The following ZEB1 variants were observed in gnomAD, a reference collection of about 807,000 sequenced individuals.
The protein encoded by ZEB1 is zinc finger E-box-binding homeobox 1.
ZEB1 carries 21 observed loss-of-function variants against 84.9 expected under a neutral mutation model. The ratio of observed to expected loss-of-function variants is 0.25; its 90% CI spans 0.18 to 0.36. The LOEUF (loss-of-function observed/expected upper bound fraction) is 0.36. Ranked by LOEUF, ZEB1 falls within the 10% of genes least tolerant of loss-of-function variation. The pLI is 1.00. For missense variants in ZEB1, 1,104 were observed against 1,330.2 expected (o/e 0.83, Z 2.65); for synonymous variants, 420 against 471.1 (o/e 0.89, Z 1.41).
At chr10:31,363,247 C>T in intron 1 of ZEB1, 1 of 1,533,960 alleles carries the variant, frequency 6.5e-7, no homozygotes, top group Non-Finnish European at 8.7e-7. Flanking sequence ...CAGGGAGCAG[C>T]CCGGAACTGG....
chr10:31,363,714 G>C, intron 1 of ZEB1: 4 of 1,180,814 alleles, frequency 3.4e-6, no homozygotes, highest in Non-Finnish European at 4.9e-6. Context: ...CAAACATTAT[G>C]GAGTTGTGAG....
intron 1 of ZEB1, among the ~76,000 whole-genome samples, chr10:31,356,245 C>T (rs2042099806): frequency 6.6e-6 from 1 of 151,880 alleles, no homozygotes; most frequent in Non-Finnish European, 1.5e-5. Flanking sequence ...TATTGTTTGA[C>T]TTCATTAACT....
intron 1 of ZEB1, among the ~76,000 whole-genome samples, chr10:31,409,569 G>A (rs1215119040): frequency 1.3e-5 from 2 of 152,100 alleles, no homozygotes; most frequent in Non-Finnish European, 2.9e-5. Context: ...TAGCTTGATG[G>A]GGATAACATT....
At chr10:31,502,588 T>C in intron 4 of ZEB1, 79 bp downstream of exon 4, 1 of 1,582,672 alleles carries the variant, frequency 6.3e-7, no homozygotes, top group Non-Finnish European at 8.7e-7. Context: ...GGGAACCTGC[T>C]CTACTATAGG....
At chr10:31,502,972 A>G (rs2068376864) in intron 4 of ZEB1, among the ~76,000 whole-genome samples, 1 of 152,208 alleles carries the variant, frequency 6.6e-6, no homozygotes, top group Non-Finnish European at 1.5e-5. Context: ...GGAAAATGCA[A>G]TAAAAATGTG....
At chr10:31,474,938 A>T (rs1173411414) in intron 2 of ZEB1, among the ~76,000 whole-genome samples, 1 of 152,136 alleles carries the variant, frequency 6.6e-6, no homozygotes, top group Admixed American at 6.5e-5. Context: ...GGAAATCATC[A>T]TTCTCAGTAA....
intron 1 of ZEB1, among the ~76,000 whole-genome samples, chr10:31,417,429 A>T (rs916061967): frequency 2.6e-5 from 4 of 152,046 alleles, no homozygotes; most frequent in African/African-American, 9.7e-5. Context: ...TTTATTCTGG[A>T]TCCTGAGAGT....
intron 6 of ZEB1, among the ~76,000 whole-genome samples, chr10:31,519,370 C>T (rs2071829816): frequency 6.6e-6 from 1 of 152,146 alleles, no homozygotes; most frequent in African/African-American, 2.4e-5. Flanking sequence ...AGGGAAGCAG[C>T]TTGAGGGAAG....
intron 1 of ZEB1, among the ~76,000 whole-genome samples, chr10:31,453,721 C>T (rs1484571731): frequency 1.3e-5 from 2 of 151,956 alleles, no homozygotes; most frequent in Admixed American, 6.6e-5. Flanking sequence ...AAGTCGAATC[C>T]CTGAATAGAC....
chr10:31,459,918 G>A (rs1376598940), intron 1 of ZEB1, among the ~76,000 whole-genome samples: 1 of 150,412 alleles, frequency 6.6e-6, no homozygotes, highest in African/African-American at 2.4e-5. Context: ...AAGCATTTAG[G>A]TGATTATTTT....
chr10:31,439,087 C>G (rs909116312), intron 1 of ZEB1, among the ~76,000 whole-genome samples: 1 of 152,008 alleles, frequency 6.6e-6, no homozygotes, highest in Admixed American at 6.5e-5. Flanking sequence ...CAAGTCACTC[C>G]TTTGGTACCT....
intron 1 of ZEB1, among the ~76,000 whole-genome samples, chr10:31,359,068 C>T (rs543548195): frequency 2.0e-5 from 3 of 152,208 alleles, no homozygotes; most frequent in South Asian, 2.1e-4. Context: ...AATGACTGTG[C>T]TCTTGGCTGT....
chr10:31,495,868 TAGC>T, intron 3 of ZEB1, 30 bp downstream of exon 3: 1 of 1,611,880 alleles, frequency 6.2e-7, no homozygotes, highest in East Asian at 2.2e-5. Flanking sequence ...TTTCATACCA[TAGC>T]CTTTAAAAGA....
intron 1 of ZEB1, among the ~76,000 whole-genome samples, chr10:31,439,803 G>A (rs569815852): frequency 1.5e-4 from 23 of 152,282 alleles, no homozygotes; most frequent in African/African-American, 5.3e-4. Context: ...AATGCAGTGA[G>A]CCGGGGTAAA....
In ZEB1 at chr10:31,521,406, G is replaced by T. The variant is rs765317194; in HGVS notation, c.2074G>T (p.Val692Leu). The change falls in exon 7 of 9, where the codon GTG becomes TTG. Residue 692 changes from valine (V) to leucine (L), a missense_variant. This residue lies in a region of ZEB1 where 531 missense variants were observed against 575.2 expected (regional missense o/e 0.92). Transcript: ENST00000424869. The stretch of plus-strand genomic sequence containing the variant: ...GATGACTAACTCCCCAGTTTTACCA[G>T]TGGGATCAACCACCAATGGTTCCAG... The part of the protein sequence containing the change: ...LKMTNSPVLP[V>L]GSTTNGSRSS... 1 of 1,614,104 alleles carries T rather than the reference G, an allele frequency of 6.2e-7. No individual in the cohort carries two copies. The highest frequency in any genetic ancestry group is 1.7e-5 in the Admixed American group (1 of 60,018).
intron 2 of ZEB1, among the ~76,000 whole-genome samples, chr10:31,469,259 G>A (rs1165831621): frequency 1.3e-5 from 2 of 152,162 alleles, no homozygotes; most frequent in African/African-American, 2.4e-5. Context: ...CAGCGTGAGC[G>A]ACGCAGAAGA....
chr10:31,440,841 A>G (rs533699475), intron 1 of ZEB1, among the ~76,000 whole-genome samples: 3 of 152,314 alleles, frequency 2.0e-5, no homozygotes, highest in South Asian at 2.1e-4. Context: ...TAGAAATCCA[A>G]CTTACAAGGG....
chr10:31,404,712 T>C (rs1021124822), intron 1 of ZEB1, among the ~76,000 whole-genome samples: 2 of 152,208 alleles, frequency 1.3e-5, no homozygotes, highest in East Asian at 1.9e-4. Flanking sequence ...TCTTGCCTTT[T>C]GTCTTGTTCA....
At chr10:31,373,753 C>T (rs182082741) in intron 1 of ZEB1, among the ~76,000 whole-genome samples, 6 of 151,918 alleles carry the variant, frequency 3.9e-5, no homozygotes, top group Admixed American at 6.6e-5. Context: ...GACGTTTATA[C>T]TCTATACCCA....
Sources: allele counts gnomAD v4.1 joint callset (sites outside exome capture counted in the v4.1 genomes callset), GRCh38; gene constraint gnomAD v4.1.1; regional missense constraint gnomAD v4.1.1; transcripts MANE v1.5; gene names NCBI Gene and HGNC (gene_info 2026-07-23, HGNC 2026-07-21).